Variants in APCDD1L observed in about 807,000 individuals in gnomAD.
The protein encoded by APCDD1L is APC down-regulated 1 like.
A neutral mutation model predicts 24.2 loss-of-function variants in APCDD1L; 21 were observed. The ratio of observed to expected loss-of-function variants is 0.87; its 90% CI spans 0.61 to 1.25. The LOEUF (loss-of-function observed/expected upper bound fraction) is 1.25, where lower values mean the gene tolerates loss of function less well. APCDD1L is among the 50% of genes most tolerant of loss of function. The pLI, the probability that APCDD1L is intolerant of heterozygous loss-of-function variation, is 0.00. For synonymous variants in APCDD1L, 321 were observed against 323.6 expected (o/e 0.99, Z 0.09); for missense variants, 704 against 711.7 (o/e 0.99, Z 0.12).
chr20:58,468,694 A>C (rs150508809), intron 2 of APCDD1L, among the ~76,000 whole-genome samples: 34 of 152,178 alleles, frequency 2.2e-4, no homozygotes, highest in African/African-American at 8.0e-4. Context: ...CAGTCTCCCG[A>C]GTAGCTGCAA....
chr20:58,469,342 G>C (rs1989770484), intron 2 of APCDD1L, among the ~76,000 whole-genome samples: 1 of 107,912 alleles, frequency 9.3e-6, no homozygotes, highest in Non-Finnish European at 1.7e-5. Flanking sequence ...ACACCCCTGA[G>C]GGTCTCAGGC....
At chr20:58,509,687 T>C (rs1415429722) in intron 1 of APCDD1L, among the ~76,000 whole-genome samples, 1 of 152,150 alleles carries the variant, frequency 6.6e-6, no homozygotes, top group Non-Finnish European at 1.5e-5. Context: ...AAAACAGCCA[T>C]TGATAGCACA....
chr20:58,473,670 G>A (rs376945300), intron 1 of APCDD1L, among the ~76,000 whole-genome samples: 4 of 152,246 alleles, frequency 2.6e-5, no homozygotes, highest in Non-Finnish European at 2.9e-5. Flanking sequence ...CAGATGGTGC[G>A]GTGGGTTGGG....
At chr20:58,488,215 G>A (rs535054366) in intron 1 of APCDD1L, among the ~76,000 whole-genome samples, 1 of 152,156 alleles carries the variant, frequency 6.6e-6, no homozygotes, top group Admixed American at 6.5e-5. Context: ...CTTTTGTCTA[G>A]TGTATCCACT....
In APCDD1L at chr20:58,499,277, G is replaced by T. The variant is rs1357005385; in HGVS notation, c.49+15382C>A. ...ACTGGCCACACCTAGCTGCAAGGGA[G>T]GTGGGGAAACCTTCTACCACCTCTG... On this transcript the variant is annotated intron_variant, in intron 1 of 3. Coordinates refer to ENST00000371149, the MANE Select transcript of APCDD1L (RefSeq NM_153360.3). Among the ~76,000 whole-genome samples the T allele has an allele frequency of 6.6e-5, 10 of 152,176 alleles. No homozygotes were observed. The East Asian group carries it at 1.9e-3, about 29-fold the overall frequency.
In APCDD1L at chr20:58,515,082, G is replaced by GCC. The variant is rs1568758556; in HGVS notation, c.-377_-376dup. The stretch of plus-strand genomic sequence containing the variant: ...CAAAGTCTTCGCAGTGGGCAAGGAG[G>GCC]CCTCCCCCAAGCTCTGGTCCCGGCC... On this transcript the variant is annotated 5_prime_UTR_variant, in exon 1 of 4. Coordinates refer to ENST00000371149, the MANE Select transcript of APCDD1L (RefSeq NM_153360.3). 4.9e-6 allele frequency: 1 copy of GCC among 205,794 alleles called. No homozygotes were observed. Among genetic ancestry groups the GCC allele is most frequent in the East Asian group, 1.1e-4 (1 of 9,326 alleles). The allele number at this position is 205,794 out of a possible 1,614,324, so 12.7% of individuals were successfully genotyped here.
Position 58,461,689 on chromosome 20 carries a change from T to G in APCDD1L, c.742-135A>C. ...GCCTGTCCCTCCCTCCTCTCTCTCC[T>G]CACTCCCTGCCTTCAGTCAGGACGA... On this transcript the variant is annotated intron_variant, in intron 3 of 3. Coordinates refer to ENST00000371149, the MANE Select transcript of APCDD1L (RefSeq NM_153360.3). The surrounding 1 kb of genome is among the most constrained non-coding windows in gnomAD (Gnocchi z 6.0). 1 of 913,606 alleles carries G rather than the reference T, an allele frequency of 1.1e-6. No homozygotes were observed. The highest frequency in any genetic ancestry group is 1.5e-6 in the Non-Finnish European group (1 of 684,860). The allele number at this position is 913,606 out of a possible 1,614,324, so 56.6% of individuals were successfully genotyped here.
At chr20:58,473,359 C>T (rs6015286) in intron 1 of APCDD1L, among the ~76,000 whole-genome samples, 72,676 of 151,892 alleles carry the variant, frequency 0.48, 18,116 homozygotes, top group African/African-American at 0.62. Flanking sequence ...CTGTGAGGAA[C>T]TGGGATTTAA....
Position 58,467,495 on chromosome 20 carries a change from C to A in APCDD1L, c.352G>T (p.Val118Phe). 1 of 1,599,844 alleles carries A rather than the reference C, an allele frequency of 6.3e-7. No individual in the cohort carries two copies. The highest frequency in any genetic ancestry group is 8.5e-7 in the Non-Finnish European group (1 of 1,173,468). Residue 118 changes from valine (V) to phenylalanine (F), a missense_variant, in exon 3 of 4, where the codon GTC (valine) becomes TTC (phenylalanine). Transcript: ENST00000371149. This position sits in a 1 kb window ranked among gnomAD's most constrained non-coding sequence, Gnocchi z 5.9. Reference sequence around the variant, plus strand: ...TCGGCCTCGGTGGCTCCCCGGGTGACCCAGGAGGCCCGGCGCAGGCGGACT... The same window carrying A: ...TCGGCCTCGGTGGCTCCCCGGGTGAACCAGGAGGCCCGGCGCAGGCGGACT... Reference protein sequence around the residue: ...GKVRLRRASWVTRGATEADYH... With the variant: ...GKVRLRRASWFTRGATEADYH...
At position 58,485,480 on chromosome 20, in the gene APCDD1L, C is replaced by T. The variant is rs78715286; in HGVS notation, c.50-14733G>A. ...AAGTTAATGAAGGTTTGTGGTTAAC[C>T]GCACATTTTTGTGCCTACAAATAAA... On this transcript the variant is annotated intron_variant, in intron 1 of 3. Transcript: ENST00000371149. Among the ~76,000 whole-genome samples the T allele has an allele frequency of 8.3e-4, 126 of 152,208 alleles. 1 individual carries two copies. The highest frequency in any genetic ancestry group is 2.7e-3 in the African/African-American group (112 of 41,522).
At chr20:58,485,074 GTAT>G (rs1990097353) in intron 1 of APCDD1L, among the ~76,000 whole-genome samples, 1 of 151,158 alleles carries the variant, frequency 6.6e-6, no homozygotes, top group Non-Finnish European at 1.5e-5. Flanking sequence ...AGACAAAATA[GTAT>G]TCCATTATTT....
intron 1 of APCDD1L, among the ~76,000 whole-genome samples, chr20:58,510,476 G>A (rs905981983): frequency 1.8e-4 from 27 of 152,160 alleles, no homozygotes; most frequent in African/African-American, 6.5e-4. Context: ...GGGATTCCAG[G>A]TGCCTGACAC....
chr20:58,498,998 AG>A (rs1430035374), intron 1 of APCDD1L, among the ~76,000 whole-genome samples: 1 of 152,216 alleles, frequency 6.6e-6, no homozygotes, highest in African/African-American at 2.4e-5. Context: ...TCCAATAATG[AG>A]GACACAATTT....
At chr20:58,482,624 C>T (rs747311554) in intron 1 of APCDD1L, among the ~76,000 whole-genome samples, 1 of 152,166 alleles carries the variant, frequency 6.6e-6, no homozygotes, top group Non-Finnish European at 1.5e-5. Flanking sequence ...ATGGTTACCA[C>T]CACGATAACA....
chr20:58,459,211 C>G lies in APCDD1L; in HGVS notation c.*1579G>C, dbSNP rs551093377. 6.6e-6 allele frequency: 1 copy of G among 152,382 alleles called. No individual in the cohort carries two copies. Among genetic ancestry groups the G allele is most frequent in the East Asian group, 1.9e-4 (1 of 5,190 alleles). 9.4% of individuals were successfully genotyped at this position (152,382 alleles called of 1,614,324 possible). ...TGCTCAGCCGTGGACATATCATCGA[C>G]ACCCACTGCCATCCCCACCAGGAGC... On this transcript the variant is annotated 3_prime_UTR_variant, in exon 4 of 4. Coordinates refer to ENST00000371149, the MANE Select transcript of APCDD1L (RefSeq NM_153360.3).
At chr20:58,473,599 T>TCC (rs11086645) in intron 1 of APCDD1L, among the ~76,000 whole-genome samples, 4 of 151,372 alleles carry the variant, frequency 2.6e-5, no homozygotes, top group Non-Finnish European at 2.9e-5. Context: ...TTTCTTTGCT[T>TCC]CCCCCCCCAC....
intron 1 of APCDD1L, among the ~76,000 whole-genome samples, chr20:58,479,593 CTT>C (rs10580833): frequency 0.12 from 14,818 of 125,274 alleles, 860 homozygotes; most frequent in East Asian, 0.33. Flanking sequence ...TTAAGATTTG[CTT>C]TTTTTTTTTT....
chr20:58,461,434 C>CCGAG lies in APCDD1L; in HGVS notation c.858_861dup (p.Gly288LeufsTer68). ...AGGACTGCTGGGCGCACCTCGCACC[C>CCGAG]CGAGCTGACCCACCAGCCGCCCAGG... On this transcript the variant is annotated frameshift_variant, in exon 4 of 4. Transcript: ENST00000371149. LOFTEE classifies it low-confidence loss of function (END_TRUNC). The surrounding 1 kb of genome is among the most constrained non-coding windows in gnomAD (Gnocchi z 6.0). 7 of 1,515,794 alleles carry CCGAG rather than the reference C, an allele frequency of 4.6e-6. No individual in the cohort carries two copies. Among genetic ancestry groups the CCGAG allele is most frequent in the Non-Finnish European group, 6.2e-6 (7 of 1,129,370 alleles). The allele number at this position is 1,515,794 out of a possible 1,614,324, so 93.9% of individuals were successfully genotyped here.
chr20:58,459,976 C>CTGG lies in APCDD1L; in HGVS notation c.*811_*813dup, dbSNP rs1366456020. 6.6e-6 allele frequency: 1 copy of CTGG among 152,652 alleles called. No homozygotes were observed. The highest frequency in any genetic ancestry group is 1.5e-5 in the Non-Finnish European group (1 of 68,152). 9.5% of individuals were successfully genotyped at this position (152,652 alleles called of 1,614,324 possible). Reference sequence around the variant, plus strand: ...CAAAGACCTGCCCCCAGCAGCCAGCCTGGTGCACACTGGCATTTGCCTGGG... The same window carrying CTGG: ...CAAAGACCTGCCCCCAGCAGCCAGCCTGGTGGTGCACACTGGCATTTGCCTGGG... On this transcript the variant is annotated 3_prime_UTR_variant, in exon 4 of 4. Coordinates refer to ENST00000371149, the MANE Select transcript of APCDD1L (RefSeq NM_153360.3).
Sources: gnomAD v4.1 joint callset for allele counts (sites outside exome capture counted in the v4.1 genomes callset) on GRCh38, gnomAD v4.1.1 for gene constraint, Gnocchi (gnomAD v3.1) non-coding constraint, MANE v1.5 for transcripts, NCBI Gene and HGNC (gene_info 2026-07-23, HGNC 2026-07-21) for gene names.